The following PRKD1 variants were observed in gnomAD, a reference collection of about 807,000 sequenced individuals.
The protein encoded by PRKD1 is serine/threonine-protein kinase D1.
Under a neutral mutation model 95.9 loss-of-function variants are expected in PRKD1, and 63 were observed. That is an observed-to-expected ratio of 0.66 (90% CI 0.54 to 0.81). The LOEUF (loss-of-function observed/expected upper bound fraction) is 0.81. Among genes scored for constraint, PRKD1 ranks in the 30% least tolerant of loss-of-function variants. The probability of loss-of-function intolerance (pLI) is 0.00; values close to 1 mark genes in which losing one functional copy is unlikely to be tolerated. For missense variants in PRKD1, 1,048 were observed against 1,165.3 expected (o/e 0.90, Z 1.47); for synonymous variants, 425 against 423.1 (o/e 1.00, Z -0.05).
At chr14:29,681,254 G>C (rs1883524555) in intron 2 of PRKD1, among the ~76,000 whole-genome samples, 1 of 152,078 alleles carries the variant, frequency 6.6e-6, no homozygotes, top group South Asian at 2.1e-4. Context: ...TTCTATATTG[G>C]TATTCTGGGA....
intron 2 of PRKD1, among the ~76,000 whole-genome samples, chr14:29,679,186 C>T (rs764549149): frequency 1.8e-4 from 28 of 152,074 alleles, no homozygotes; most frequent in Non-Finnish European, 3.5e-4. Flanking sequence ...TGATAATAAG[C>T]AAAGAATAGA....
chr14:29,873,392 A>G (rs145036333), intron 1 of PRKD1, among the ~76,000 whole-genome samples: 1 of 152,210 alleles, frequency 6.6e-6, no homozygotes, highest in East Asian at 1.9e-4. Flanking sequence ...CAGCCATACT[A>G]CTTTTATAAT....
At chr14:29,864,048 A>G (rs1205445596) in intron 1 of PRKD1, among the ~76,000 whole-genome samples, 1 of 152,104 alleles carries the variant, frequency 6.6e-6, no homozygotes, top group Non-Finnish European at 1.5e-5. Flanking sequence ...GATGTAAGGT[A>G]TCAGTTAAAG....
intron 2 of PRKD1, among the ~76,000 whole-genome samples, chr14:29,681,140 T>G (rs1052916930): frequency 6.6e-6 from 1 of 152,218 alleles, no homozygotes; most frequent in Non-Finnish European, 1.5e-5. Context: ...AAGAAACGCT[T>G]GTGTTGTTTT....
chr14:29,795,992 G>C (rs911521966), intron 1 of PRKD1, among the ~76,000 whole-genome samples: 3 of 152,008 alleles, frequency 2.0e-5, no homozygotes, highest in Admixed American at 6.6e-5. Context: ...TTCTTCTTTA[G>C]TTATAAATGC....
At chr14:29,676,744 A>T (rs1329650883) in intron 2 of PRKD1, among the ~76,000 whole-genome samples, 1 of 152,150 alleles carries the variant, frequency 6.6e-6, no homozygotes, top group Non-Finnish European at 1.5e-5. Context: ...AAATAAATAC[A>T]TAGGATACAC....
At position 29,689,742 on chromosome 14, in the gene PRKD1, A is replaced by G. The variant is rs558289368; in HGVS notation, c.404-23534T>C. 1.3e-3 allele frequency among the ~76,000 whole-genome samples: 196 copies of G among 152,328 alleles called. 1 individual carries two copies. The highest frequency in any genetic ancestry group is 4.1e-3 in the African/African-American group (172 of 41,568). On this transcript the variant is annotated intron_variant, in intron 2 of 17. Coordinates refer to ENST00000331968, the MANE Select transcript of PRKD1 (RefSeq NM_002742.3). The stretch of plus-strand genomic sequence containing the variant: ...CAACACAAATGCTCATCAACAATAG[A>G]CTGGATAAAGAAAATGTGGCACATA...
chr14:29,791,068 A>G (rs2139193853), intron 1 of PRKD1, among the ~76,000 whole-genome samples: 1 of 152,298 alleles, frequency 6.6e-6, no homozygotes, highest in South Asian at 2.1e-4. Flanking sequence ...AGTAGGGGAA[A>G]CTTCAACAAA....
chr14:29,867,254 C>T (rs1892942452), intron 1 of PRKD1, among the ~76,000 whole-genome samples: 1 of 151,862 alleles, frequency 6.6e-6, no homozygotes, highest in Non-Finnish European at 1.5e-5. Context: ...ATAAGAAAAA[C>T]AATGTAACAA....
chr14:29,757,237 T>C (rs2139477198), intron 1 of PRKD1, among the ~76,000 whole-genome samples: 1 of 152,300 alleles, frequency 6.6e-6, no homozygotes, highest in South Asian at 2.1e-4. Flanking sequence ...TGCCTGGCCA[T>C]GCAGAGAAAC....
chr14:29,742,760 T>C (rs1259142943), intron 1 of PRKD1, among the ~76,000 whole-genome samples: 3 of 152,198 alleles, frequency 2.0e-5, no homozygotes, highest in African/African-American at 7.2e-5. Flanking sequence ...GATCAATATA[T>C]ATCTATGCTA....
chr14:29,651,150 C>T (rs1398917653), intron 4 of PRKD1, among the ~76,000 whole-genome samples: 2 of 152,142 alleles, frequency 1.3e-5, no homozygotes, highest in Admixed American at 1.3e-4. Context: ...TTTAATGCAA[C>T]TTAATTACAA....
chr14:29,739,335 T>C (rs1886882366), intron 1 of PRKD1, among the ~76,000 whole-genome samples: 1 of 152,238 alleles, frequency 6.6e-6, no homozygotes, highest in East Asian at 1.9e-4. Context: ...GGCTAGAATC[T>C]GACCCATAAG....
chr14:29,599,902 G>A (rs912781920), intron 13 of PRKD1, 85 bp from the exon 14 acceptor site: 2 of 1,274,454 alleles, frequency 1.6e-6, no homozygotes, highest in Non-Finnish European at 1.1e-6. Context: ...AACTGTTCAA[G>A]CTTAGAGCTA....
At chr14:29,742,921 C>T (rs1347306141) in intron 1 of PRKD1, among the ~76,000 whole-genome samples, 3 of 152,094 alleles carry the variant, frequency 2.0e-5, no homozygotes, top group Non-Finnish European at 4.4e-5. Context: ...ATACAAAGAG[C>T]CCTCACCCCC....
At chr14:29,803,918 A>G (rs1339433289) in intron 1 of PRKD1, among the ~76,000 whole-genome samples, 1 of 152,116 alleles carries the variant, frequency 6.6e-6, no homozygotes, top group East Asian at 1.9e-4. Context: ...TGAGCTGAAG[A>G]TTTTCTAAAC....
At chr14:29,823,660 C>T (rs1203885894) in intron 1 of PRKD1, among the ~76,000 whole-genome samples, 1 of 152,032 alleles carries the variant, frequency 6.6e-6, no homozygotes, top group East Asian at 1.9e-4. Flanking sequence ...GAAGGTTAAG[C>T]CCACTTTTGA....
intron 1 of PRKD1, among the ~76,000 whole-genome samples, chr14:29,754,643 A>G (rs1203241299): frequency 1.3e-5 from 2 of 151,976 alleles, no homozygotes; most frequent in African/African-American, 4.8e-5. Context: ...TGTTTACATC[A>G]GTTTATTTCT....
At chr14:29,704,450 T>C (rs1455420490) in intron 2 of PRKD1, among the ~76,000 whole-genome samples, 1 of 152,224 alleles carries the variant, frequency 6.6e-6, no homozygotes, top group Middle Eastern at 3.4e-3. Flanking sequence ...CACATTACTA[T>C]CCTACTTTGA....
Sources: gnomAD v4.1 joint callset for allele counts (sites outside exome capture counted in the v4.1 genomes callset) on GRCh38, gnomAD v4.1.1 for gene constraint, MANE v1.5 for transcripts, NCBI Gene and HGNC (gene_info 2026-07-23, HGNC 2026-07-21) for gene names.